Variants in WWC2 observed in about 807,000 individuals in gnomAD.
WWC2 encodes the protein WW and C2 domain containing 2, also known as protein WWC2.
In WWC2, 101 loss-of-function variants were observed where a neutral mutation model predicts 138.5. That is an observed-to-expected ratio of 0.73 (90% CI 0.62 to 0.86). WWC2 has a LOEUF of 0.86. Ranked by LOEUF, WWC2 falls within the 40% of genes least tolerant of loss-of-function variation. WWC2 has a pLI of 0.00. For synonymous variants in WWC2, 558 were observed against 538.4 expected, an observed-to-expected ratio of 1.04 and a Z score of -0.50; for missense variants, 1,420 against 1,419.4, an observed-to-expected ratio of 1.00 and a Z score of -0.01.
chr4:183,312,024 A>T (rs1412335966), intron 21 of WWC2, among the ~76,000 whole-genome samples: 1 of 152,240 alleles, frequency 6.6e-6, no homozygotes, highest in African/African-American at 2.4e-5. Flanking sequence ...TTTTGGAAAC[A>T]GTGCTATGAG....
At chr4:183,267,423 A>G (rs1249363644) in intron 14 of WWC2, among the ~76,000 whole-genome samples, 2 of 152,192 alleles carry the variant, frequency 1.3e-5, no homozygotes, top group Non-Finnish European at 2.9e-5. Flanking sequence ...ACCAGTAGAT[A>G]AGCTGTGATG....
intron 1 of WWC2, among the ~76,000 whole-genome samples, chr4:183,130,225 T>C (rs1481967038): frequency 6.6e-6 from 1 of 152,154 alleles, no homozygotes; most frequent in Non-Finnish European, 1.5e-5. Flanking sequence ...GCTAATTTTT[T>C]GTATTTTTAG....
chr4:183,260,744 G>A (rs1210527941), intron 10 of WWC2, among the ~76,000 whole-genome samples, 166 bp from the exon 11 acceptor site: 3 of 152,200 alleles, frequency 2.0e-5, no homozygotes, highest in African/African-American at 7.2e-5. Flanking sequence ...AGACCAGGTC[G>A]TTAACTGACA....
chr4:183,314,436 A>T (rs1226388446), intron 22 of WWC2, among the ~76,000 whole-genome samples: 1 of 152,222 alleles, frequency 6.6e-6, no homozygotes, highest in African/African-American at 2.4e-5. Context: ...AGTGACGAGA[A>T]TGATGAGATG....
chr4:183,254,134 T>C (rs1007275948), intron 9 of WWC2, 135 bp downstream of exon 9: 1 of 1,371,308 alleles, frequency 7.3e-7, no homozygotes, highest in Non-Finnish European at 9.7e-7. Flanking sequence ...ATGGACTTTC[T>C]GTAGAACAAT....
intron 21 of WWC2, among the ~76,000 whole-genome samples, chr4:183,296,662 G>A (rs1738637870): frequency 6.6e-6 from 1 of 151,936 alleles, no homozygotes; most frequent in Non-Finnish European, 1.5e-5. Flanking sequence ...GGCCAGTCAC[G>A]GTGGCTCACG....
At chr4:183,246,200 A>C (rs1736775040) in intron 6 of WWC2, among the ~76,000 whole-genome samples, 1 of 152,198 alleles carries the variant, frequency 6.6e-6, no homozygotes, top group African/African-American at 2.4e-5. Flanking sequence ...CAGTATTCTC[A>C]GTATCTATAC....
intron 16 of WWC2, among the ~76,000 whole-genome samples, chr4:183,280,561 C>T (rs766359357): frequency 3.6e-4 from 55 of 152,086 alleles, no homozygotes; most frequent in Non-Finnish European, 7.5e-4. Context: ...GATCTTGGCC[C>T]TCTAGTCCTG....
intron 21 of WWC2, among the ~76,000 whole-genome samples, chr4:183,306,860 C>T (rs1378079412): frequency 8.5e-6 from 1 of 118,220 alleles, no homozygotes. Flanking sequence ...ATGTGACTAA[C>T]AGCACCAACT....
intron 14 of WWC2, 63 bp from the exon 15 acceptor site, chr4:183,268,908 A>C: frequency 6.9e-7 from 1 of 1,443,222 alleles, no homozygotes; most frequent in Non-Finnish European, 9.5e-7. Context: ...ATTTCAAATG[A>C]TAGCTGTGAA....
At chr4:183,212,817 T>C (rs1735643755) in intron 4 of WWC2, among the ~76,000 whole-genome samples, 1 of 152,176 alleles carries the variant, frequency 6.6e-6, no homozygotes, top group Non-Finnish European at 1.5e-5. Flanking sequence ...CAGAATTGTC[T>C]TCTAATGTAG....
intron 1 of WWC2, among the ~76,000 whole-genome samples, chr4:183,137,099 A>G (rs1412690771): frequency 2.0e-5 from 3 of 152,210 alleles, no homozygotes; most frequent in African/African-American, 7.2e-5. Context: ...TGAGCGAGTC[A>G]GTGGCGAGTG....
chr4:183,138,186 C>T (rs913161290), intron 1 of WWC2, among the ~76,000 whole-genome samples: 1 of 152,136 alleles, frequency 6.6e-6, no homozygotes, highest in Non-Finnish European at 1.5e-5. Context: ...GGGAGGTGGG[C>T]TTCACCCTCC....
At chr4:183,182,910 A>G (rs1003426250) in intron 1 of WWC2, among the ~76,000 whole-genome samples, 1 of 152,222 alleles carries the variant, frequency 6.6e-6, no homozygotes, top group Non-Finnish European at 1.5e-5. Flanking sequence ...CAACCCTTTC[A>G]TGATGTAGTT....
At position 183,296,716 on chromosome 4, in the gene WWC2, G is replaced by A. The variant is rs544586069; in HGVS notation, c.3384+7081G>A. ...TGCGAGGCCAAGGCGGGCGGATCAC[G>A]AGGTCAGGAGATCGAAACCACCCTG... On this transcript the variant is annotated intron_variant, in intron 21 of 22. Coordinates refer to ENST00000403733, the MANE Select transcript of WWC2 (RefSeq NM_024949.6). Among the ~76,000 whole-genome samples the A allele has an allele frequency of 3.6e-4, 55 of 151,942 alleles. No homozygotes were observed. In the South Asian group the frequency reaches 0.011, roughly 30 times the overall value.
Position 183,213,690 on chromosome 4 carries a change from T to C in WWC2, c.522+4665T>C, listed in dbSNP as rs546992387. The stretch of plus-strand genomic sequence containing the variant: ...ACAGTACTTCCCGATACCTTATTTT[T>C]ATTTGTCAAAATGGTAAAATGAATG... On this transcript the variant is annotated intron_variant, in intron 4 of 22. Coordinates refer to ENST00000403733, the MANE Select transcript of WWC2 (RefSeq NM_024949.6). Among the ~76,000 whole-genome samples the C allele has an allele frequency of 2.0e-5, 3 of 152,354 alleles. No homozygotes were observed. In the South Asian group the frequency reaches 6.2e-4, roughly 32 times the overall value.
rs769030124 is a variant in WWC2, at chr4:183,271,111, C to T, written c.2432C>T (p.Pro811Leu). Residue 811 changes from proline to leucine, a missense_variant, in exon 16 of 23, where the codon CCA becomes CTA. Coordinates refer to ENST00000403733, the MANE Select transcript of WWC2 (RefSeq NM_024949.6). ...ACTCAGATCAGCCTGGCAGATTTAC[C>T]ATTTTCCAGTGAGGTTTTCACTCTA... is the stretch of plus-strand genomic sequence containing the variant. Reference protein sequence around the residue: ...AGTQISLADLPFSSEVFTLWY... With the variant: ...AGTQISLADLLFSSEVFTLWY... 1 of 1,605,620 alleles carries T rather than the reference C, an allele frequency of 6.2e-7. No individual in the cohort carries two copies. Among genetic ancestry groups the T allele is most frequent in the South Asian group, 1.1e-5 (1 of 89,250 alleles).
chr4:183,240,173 C>G lies in WWC2; in HGVS notation c.523-10C>G. The G allele has an allele frequency of 6.5e-7, 1 of 1,537,044 alleles. No homozygotes were observed. The highest frequency in any genetic ancestry group is 8.8e-7 in the Non-Finnish European group (1 of 1,141,554). On this transcript the variant is annotated splice_polypyrimidine_tract_variant and intron_variant, in intron 4 of 22. Transcript: ENST00000403733. Reference sequence around the variant, plus strand: ...CAAACATTAATGTTTATGTTGATTTCTCTTTAAAGGTTAAAAAGCTAAAGA... The same window carrying G: ...CAAACATTAATGTTTATGTTGATTTGTCTTTAAAGGTTAAAAAGCTAAAGA...
chr4:183,207,499 C>A (rs1223836263), intron 2 of WWC2, among the ~76,000 whole-genome samples: 1 of 152,136 alleles, frequency 6.6e-6, no homozygotes, highest in South Asian at 2.1e-4. Context: ...ATTACTGTTG[C>A]GGACATAAAA....
Sources: allele counts gnomAD v4.1 joint callset (sites outside exome capture counted in the v4.1 genomes callset), GRCh38; gene constraint gnomAD v4.1.1; transcripts MANE v1.5; gene names NCBI Gene and HGNC (gene_info 2026-07-23, HGNC 2026-07-21).